LAMC2: variants seen among roughly 807,000 people sequenced by gnomAD.
The protein encoded by LAMC2 is laminin subunit gamma 2, also known as laminin subunit gamma-2.
Under a neutral mutation model 140.2 loss-of-function variants are expected in LAMC2, and 97 were observed. The observed-to-expected ratio is 0.69, with a 90% CI of 0.59 to 0.82. The LOEUF is 0.82. Among genes scored for constraint, LAMC2 ranks in the 40% least tolerant of loss-of-function variants. The pLI, the probability that LAMC2 is intolerant of heterozygous loss-of-function variation, is 0.00. For synonymous variants in LAMC2, 513 were observed against 540.2 expected (o/e 0.95, Z 0.70); for missense variants, 1,402 against 1,476.1 (o/e 0.95, Z 0.82).
Position 183,244,461 on chromosome 1 carries a change from C to T in LAMC2, c.*1061C>T, listed in dbSNP as rs1178890244. ...TATTTATTGAGTACCTACTGTGTGC[C>T]AGGGGCTGGTGGGACAGTGGTGACA... On this transcript the variant is annotated 3_prime_UTR_variant, in exon 23 of 23. Transcript: ENST00000264144. 6.6e-6 allele frequency: 1 copy of T among 152,368 alleles called. No homozygotes were observed. The highest frequency in any genetic ancestry group is 2.4e-5 in the African/African-American group (1 of 41,446). The allele number at this position is 152,368 out of a possible 1,614,324, so 9.4% of individuals were successfully genotyped here.
chr1:183,218,412 C>G lies in LAMC2; in HGVS notation c.427C>G (p.Pro143Ala). Reference protein sequence around the residue: ...RLLDSKCDCDPAGIAGPCDAG... With the variant: ...RLLDSKCDCDAAGIAGPCDAG... Reference sequence around the variant, plus strand: ...CAGAGACTCCAAGTGTGACTGTGACCCAGCTGGCATCGCAGGGCCCTGTGA... The same window carrying G: ...CAGAGACTCCAAGTGTGACTGTGACGCAGCTGGCATCGCAGGGCCCTGTGA... The change falls in exon 4 of 23, where the codon CCA becomes GCA. Residue 143 changes from proline (P) to alanine (A), a missense_variant. Around this residue, in one of 3 missense-constraint regions of LAMC2, gnomAD observed 723 missense variants for 783.3 expected, o/e 0.92. Transcript: ENST00000264144. 1 of 1,614,086 alleles carries G rather than the reference C, an allele frequency of 6.2e-7. No homozygotes were observed. The highest frequency in any genetic ancestry group is 2.2e-5 in the East Asian group (1 of 44,886).
rs1450452329 is a variant in LAMC2 at position 183,237,333 on chromosome 1, G to A, written c.2602-19G>A. 1.9e-6 allele frequency: 3 copies of A among 1,613,682 alleles called. No individual in the cohort carries two copies. Among genetic ancestry groups the A allele is most frequent in the Non-Finnish European group, 2.5e-6 (3 of 1,179,856 alleles). ...CTGGTAAGCAGAAGTCAGACTCCCT[G>A]GTTTCTTTGGGCTCATAGGTGGAAG... On this transcript the variant is annotated intron_variant, in intron 17 of 22. Transcript: ENST00000264144.
At chr1:183,217,136 A>C (rs1001473319) in intron 3 of LAMC2, among the ~76,000 whole-genome samples, 10 of 152,170 alleles carry the variant, frequency 6.6e-5, no homozygotes, top group Non-Finnish European at 1.5e-4. Context: ...GGAGGGGTCA[A>C]GGGTGCTCCA....
At position 183,226,899 on chromosome 1, in the gene LAMC2, C is replaced by T; in HGVS notation, c.1268C>T (p.Ala423Val). 1 of 1,613,840 alleles carries T rather than the reference C, an allele frequency of 6.2e-7. No individual in the cohort carries two copies. Among genetic ancestry groups the T allele is most frequent in the Non-Finnish European group, 8.5e-7 (1 of 1,179,868 alleles). Residue 423 changes from alanine to valine, a missense_variant, in exon 9 of 23, where the codon GCC becomes GTC. By Grantham distance (64) the Ala-to-Val change is moderately conservative (BLOSUM62 0). Around this residue, in one of 3 missense-constraint regions of LAMC2, gnomAD observed 723 missense variants for 783.3 expected, o/e 0.92. Transcript: ENST00000264144. ...CCTTGTAACTGTCAAGGGGGAGGGG[C>T]CTGTGATCCAGACACAGGTGAGTGA... ...CIPCNCQGGG[A>V]CDPDTGDCYS...
intron 1 of LAMC2, among the ~76,000 whole-genome samples, chr1:183,197,570 G>A (rs1196918466): frequency 6.6e-6 from 1 of 152,098 alleles, no homozygotes; most frequent in Non-Finnish European, 1.5e-5. Flanking sequence ...CAGCTACTTG[G>A]GAGGCTGAGG....
At position 183,207,952 on chromosome 1, in the gene LAMC2, T is replaced by A; in HGVS notation, c.151T>A (p.Phe51Ile). The A allele has an allele frequency of 6.2e-7, 1 of 1,613,674 alleles. No homozygotes were observed. Residue 51 changes from phenylalanine (F) to isoleucine (I), a missense_variant, in exon 2 of 23, where the codon TTC (phenylalanine) becomes ATC (isoleucine). By Grantham distance (21) the Phe-to-Ile change is conservative. Coordinates refer to ENST00000264144, the MANE Select transcript of LAMC2 (RefSeq NM_005562.3). ...ACTTCACAGACAAACTGGTAATGGA[T>A]TCCGCTGCCTCAACTGCAATGACAA... ...RELHRQTGNG[F>I]RCLNCNDNTD... is the part of the protein sequence containing the mutation.
At chr1:183,199,630 T>C (rs541470157) in intron 1 of LAMC2, among the ~76,000 whole-genome samples, 2 of 152,264 alleles carry the variant, frequency 1.3e-5, no homozygotes, top group East Asian at 1.9e-4. Flanking sequence ...AAGTAAGTCA[T>C]AGACATAAAC....
chr1:183,192,926 A>G (rs970597403), intron 1 of LAMC2, among the ~76,000 whole-genome samples: 3 of 152,084 alleles, frequency 2.0e-5, no homozygotes, highest in African/African-American at 7.2e-5. Context: ...CGATGGTCTC[A>G]GGTCTCCTGA....
intron 1 of LAMC2, among the ~76,000 whole-genome samples, chr1:183,187,523 G>A (rs1291898678): frequency 6.6e-6 from 1 of 150,376 alleles, no homozygotes; most frequent in Non-Finnish European, 1.5e-5. Context: ...AAAAGGTGGA[G>A]ATAAGTATGT....
intron 1 of LAMC2, among the ~76,000 whole-genome samples, chr1:183,196,536 G>T (rs1469481031): frequency 6.6e-6 from 1 of 152,162 alleles, no homozygotes; most frequent in Non-Finnish European, 1.5e-5. Context: ...ATTTTTAAAA[G>T]TGGGTATATG....
chr1:183,223,444 G>A lies in LAMC2; in HGVS notation c.953+120G>A, dbSNP rs186425518. On this transcript the variant is annotated intron_variant, in intron 7 of 22. Transcript: ENST00000264144. Reference sequence around the variant, plus strand: ...ACAAGCCTTTCTGAGCACCTTTTACGTACCATGAAGGTTGCTATGTGCTGA... The same window carrying A: ...ACAAGCCTTTCTGAGCACCTTTTACATACCATGAAGGTTGCTATGTGCTGA... The A allele has an allele frequency of 3.1e-4, 281 of 920,306 alleles. 4 individuals carry two copies. In the South Asian group the frequency reaches 3.1e-3, roughly 10 times the overall value. The allele number at this position is 920,306 out of a possible 1,614,324, so 57.0% of individuals were successfully genotyped here.
intron 20 of LAMC2, 130 bp from the exon 21 acceptor site, chr1:183,239,910 T>A (rs918579673): frequency 1.2e-4 from 118 of 1,024,466 alleles, no homozygotes; most frequent in Non-Finnish European, 1.6e-4. Context: ...AGTCTGATTC[T>A]CTCATTATTC....
At chr1:183,205,445 T>C (rs138290623) in intron 1 of LAMC2, among the ~76,000 whole-genome samples, 135 of 152,354 alleles carry the variant, frequency 8.9e-4, no homozygotes, top group African/African-American at 3.0e-3. Flanking sequence ...TGTAATATGC[T>C]GTAAGTTCAC....
At chr1:183,191,806 C>T (rs1658344222) in intron 1 of LAMC2, among the ~76,000 whole-genome samples, 1 of 151,804 alleles carries the variant, frequency 6.6e-6, no homozygotes, top group African/African-American at 2.4e-5. Context: ...TTGCAGTGAC[C>T]CAAGATCATG....
the LAMC2 span, chr1:183,250,809 GTTC>G: frequency 1.0e-4 from 16 of 152,698 alleles, no homozygotes; most frequent in African/African-American, 3.1e-4. Flanking sequence ...GCTCTACCAT[GTTC>G]TTCTGTTAAA....
the LAMC2 span, chr1:183,250,961 C>T: frequency 6.6e-6 from 1 of 152,214 alleles, no homozygotes; most frequent in Non-Finnish European, 1.5e-5. Context: ...TCCTAATACT[C>T]AGGGACTATT....
chr1:183,186,957 A>T (rs1051071326), intron 1 of LAMC2, among the ~76,000 whole-genome samples: 20 of 152,358 alleles, frequency 1.3e-4, no homozygotes, highest in Admixed American at 6.5e-4. Context: ...TTCATGTAAT[A>T]TTCATTCAAC....
At chr1:183,231,183 C>A in intron 12 of LAMC2, 80 bp downstream of exon 12, 1 of 1,514,388 alleles carries the variant, frequency 6.6e-7, no homozygotes, top group Non-Finnish European at 9.2e-7. Context: ...TGTCACAGAT[C>A]TAGGACACTC....
At chr1:183,254,598 T>A in the LAMC2 span, among the ~76,000 whole-genome samples, 1 of 152,002 alleles carries the variant, frequency 6.6e-6, no homozygotes, top group African/African-American at 2.4e-5. Context: ...CTACCATGCC[T>A]GGCTAATTTT....
Sources: allele counts gnomAD v4.1 joint callset (sites outside exome capture counted in the v4.1 genomes callset), GRCh38; gene constraint gnomAD v4.1.1; regional missense constraint gnomAD v4.1.1; transcripts MANE v1.5; gene names NCBI Gene and HGNC (gene_info 2026-07-23, HGNC 2026-07-21).